Variants in CAPN5 observed in about 807,000 individuals in gnomAD.
The protein encoded by CAPN5 is calpain 5, also known as calpain-5.
Under a neutral mutation model 73.0 loss-of-function variants are expected in CAPN5, and 54 were observed. The observed-to-expected ratio is 0.74, with a 90% CI of 0.59 to 0.93. The LOEUF is 0.93. Ranked by LOEUF, CAPN5 falls within the 40% of genes least tolerant of loss-of-function variation. CAPN5 has a pLI of 0.00. For synonymous variants in CAPN5, 335 were observed against 356.9 expected (o/e 0.94, Z 0.69); for missense variants, 785 against 882.9 (o/e 0.89, Z 1.41).
intron 3 of CAPN5, among the ~76,000 whole-genome samples, chr11:77,097,169 C>A (rs1309999161): frequency 2.6e-5 from 4 of 152,062 alleles, no homozygotes; most frequent in Non-Finnish European, 4.4e-5. Flanking sequence ...TTGCAGTGAG[C>A]CAAGATCATG....
At chr11:77,095,350 G>A (rs574553258) in intron 3 of CAPN5, among the ~76,000 whole-genome samples, 11 of 152,208 alleles carry the variant, frequency 7.2e-5, no homozygotes, top group African/African-American at 2.2e-4. Flanking sequence ...CACTAGATGA[G>A]GGCTCAGTCA....
intron 1 of CAPN5, among the ~76,000 whole-genome samples, chr11:77,081,961 G>A (rs782141771): frequency 1.3e-5 from 2 of 152,102 alleles, no homozygotes; most frequent in Admixed American, 6.5e-5. Context: ...CACCTTTGTT[G>A]GTTCATGCAA....
chr11:77,086,694 G>A (rs975005343), intron 2 of CAPN5, among the ~76,000 whole-genome samples: 3 of 152,164 alleles, frequency 2.0e-5, no homozygotes, highest in Non-Finnish European at 4.4e-5. Flanking sequence ...CTGGGCACTC[G>A]AGCTCTTCGC....
chr11:77,077,665 G>A (rs1949986045), intron 1 of CAPN5, among the ~76,000 whole-genome samples: 1 of 151,892 alleles, frequency 6.6e-6, no homozygotes. Context: ...GAGTAGCTGG[G>A]TGCCCGCCTG....
At chr11:77,112,491 A>T in intron 3 of CAPN5, 98 bp from the exon 4 acceptor site, 1 of 923,880 alleles carries the variant, frequency 1.1e-6, no homozygotes, top group Non-Finnish European at 1.7e-6. Flanking sequence ...GTATTCCTTT[A>T]CATTCCGATT....
Position 77,114,586 on chromosome 11 carries a change from C to T in CAPN5, c.699+152C>T, listed in dbSNP as rs1950447929. ...AGGGGAGAAGTTGGAAGGTGCAACC[C>T]CCTGCCCAGACCCTCTAGGCTGTGA... On this transcript the variant is annotated intron_variant, in intron 5 of 12. Transcript: ENST00000648180. 6.9e-6 allele frequency: 5 copies of T among 721,648 alleles called. No homozygotes were observed. In the Admixed American group the frequency reaches 9.0e-5, roughly 13 times the overall value. The allele number at this position is 721,648 out of a possible 1,614,324, so 44.7% of individuals were successfully genotyped here.
At chr11:77,094,490 C>T (rs778359540) in intron 3 of CAPN5, among the ~76,000 whole-genome samples, 6 of 152,362 alleles carry the variant, frequency 3.9e-5, no homozygotes, top group Non-Finnish European at 7.3e-5. Flanking sequence ...CCTTAGATTC[C>T]GTGCACAGGA....
At position 77,125,027 on chromosome 11, in the gene CAPN5, G is replaced by T. The variant is rs566745917; in HGVS notation, c.*1157G>T. ...TCAATTTTAATCAGGGGTTTTAAAA[G>T]AAAATTGAAAGCCTGAACCTCCATT... On this transcript the variant is annotated 3_prime_UTR_variant, in exon 13 of 13. Coordinates refer to ENST00000648180, the MANE Select transcript of CAPN5 (RefSeq NM_004055.5). The T allele has an allele frequency of 6.6e-6, 1 of 152,340 alleles. No homozygotes were observed. Among genetic ancestry groups the T allele is most frequent in the Admixed American group, 6.5e-5 (1 of 15,298 alleles). 9.4% of individuals were successfully genotyped at this position (152,340 alleles called of 1,614,324 possible).
At chr11:77,076,749 C>T (rs1555033964) in intron 1 of CAPN5, among the ~76,000 whole-genome samples, 4 of 152,170 alleles carry the variant, frequency 2.6e-5, no homozygotes, top group African/African-American at 9.7e-5. Context: ...ACCATATTTT[C>T]TTTACCCATT....
intron 1 of CAPN5, among the ~76,000 whole-genome samples, chr11:77,079,754 C>T (rs1950009910): frequency 6.6e-6 from 1 of 151,386 alleles, no homozygotes; most frequent in Admixed American, 6.6e-5. Context: ...TGTCCTCCTA[C>T]CACTAATGCA....
At position 77,084,972 on chromosome 11, in the gene CAPN5, AC is replaced by A. The variant is rs781925553; in HGVS notation, c.91del (p.Leu31SerfsTer132). ...DCRRRKVLFEDPLFPATDDSL... is the reference protein window; with the variant it reads ...DCRRRKVLFEXPLFPATDDSL... ...CGGCGCAGGAAGGTGCTCTTCGAGGACCCCCTCTTCCCCGCCACTGACGACT... is the reference window on the plus strand; with the variant it reads ...CGGCGCAGGAAGGTGCTCTTCGAGGACCCCTCTTCCCCGCCACTGACGACT... On this transcript the variant is annotated frameshift_variant, in exon 2 of 13. Coordinates refer to ENST00000648180, the MANE Select transcript of CAPN5 (RefSeq NM_004055.5). LOFTEE classifies it high-confidence loss of function. 8.0e-5 allele frequency: 128 copies of A among 1,602,674 alleles called. No individual in the cohort carries two copies. Among genetic ancestry groups the A allele is most frequent in the Middle Eastern group, 1.9e-4 (1 of 5,264 alleles).
At chr11:77,092,167 T>G (rs1308643546) in intron 2 of CAPN5, among the ~76,000 whole-genome samples, 1 of 152,168 alleles carries the variant, frequency 6.6e-6, no homozygotes, top group Non-Finnish European at 1.5e-5. Context: ...TGCAGTGAGC[T>G]GTGATTGTGA....
Position 77,070,529 on chromosome 11 carries a change from G to C in CAPN5, c.-36+3435G>C, listed in dbSNP as rs192601378. On this transcript the variant is annotated intron_variant, in intron 1 of 12. Coordinates refer to ENST00000648180, the MANE Select transcript of CAPN5 (RefSeq NM_004055.5). The stretch of plus-strand genomic sequence containing the variant: ...TACAGCGGAGCAACTCAAGGTGTAA[G>C]AACTTCATTTCCCTCATGGGCTTCT... 2.2e-3 allele frequency among the ~76,000 whole-genome samples: 332 copies of C among 152,354 alleles called. 1 individual carries two copies. Among genetic ancestry groups the C allele is most frequent in the Non-Finnish European group, 3.7e-3 (250 of 68,034 alleles).
At chr11:77,078,679 A>G (rs960754184) in intron 1 of CAPN5, among the ~76,000 whole-genome samples, 7 of 152,268 alleles carry the variant, frequency 4.6e-5, no homozygotes, top group Admixed American at 4.6e-4. Context: ...AACAATACTA[A>G]TTCTTATCTA....
intron 3 of CAPN5, among the ~76,000 whole-genome samples, chr11:77,094,326 G>A (rs527804702): frequency 6.6e-6 from 1 of 150,404 alleles, no homozygotes; most frequent in Non-Finnish European, 1.5e-5. Context: ...GGGTTTGGGT[G>A]GGAAAGAATG....
intron 1 of CAPN5, among the ~76,000 whole-genome samples, chr11:77,080,074 G>A (rs1950013526): frequency 6.6e-6 from 1 of 152,108 alleles, no homozygotes; most frequent in African/African-American, 2.4e-5. Flanking sequence ...CTTATGGATA[G>A]CCAGTTGACC....
In CAPN5 at chr11:77,084,956, A is replaced by C; in HGVS notation, c.70A>C (p.Lys24Gln). ...SALRRDCRRR[K>Q]VLFEDPLFPA... The stretch of plus-strand genomic sequence containing the variant: ...CCTGAGGCGGGACTGCCGGCGCAGG[A>C]AGGTGCTCTTCGAGGACCCCCTCTT... Residue 24 changes from lysine to glutamine, a missense_variant, in exon 2 of 13, where the codon AAG (lysine) becomes CAG (glutamine). Transcript: ENST00000648180. 1 of 1,613,764 alleles carries C rather than the reference A, an allele frequency of 6.2e-7. No individual in the cohort carries two copies.
At chr11:77,112,259 G>T (rs797027121) in intron 3 of CAPN5, among the ~76,000 whole-genome samples, 1 of 152,062 alleles carries the variant, frequency 6.6e-6, no homozygotes, top group African/African-American at 2.4e-5. Context: ...GGATGGTGGC[G>T]CTGGTCACTA....
At chr11:77,122,110 AC>A in intron 11 of CAPN5, 61 bp downstream of exon 11, 1 of 968,034 alleles carries the variant, frequency 1.0e-6, no homozygotes, top group African/African-American at 1.6e-5. Context: ...GCCTCTCTCC[AC>A]CAGCACGGAT....
Sources: allele counts gnomAD v4.1 joint callset (sites outside exome capture counted in the v4.1 genomes callset), GRCh38; gene constraint gnomAD v4.1.1; transcripts MANE v1.5; gene names NCBI Gene and HGNC (gene_info 2026-07-23, HGNC 2026-07-21).